DNAH12: variants seen among roughly 807,000 people sequenced by gnomAD.
DNAH12 encodes the protein axonemal beta dynein heavy chain 12.
In DNAH12, 285 loss-of-function variants were observed where a neutral mutation model predicts 371.5. The ratio of observed to expected loss-of-function variants is 0.77; its 90% CI spans 0.70 to 0.85. The LOEUF is 0.85. Ranked by LOEUF, DNAH12 falls within the 40% of genes least tolerant of loss-of-function variation. The pLI, the probability that DNAH12 is intolerant of heterozygous loss-of-function variation, is 0.00. For synonymous variants in DNAH12, 1,200 were observed against 1,213.0 expected (o/e 0.99, Z 0.22); for missense variants, 3,611 against 3,689.4 (o/e 0.98, Z 0.55).
rs1553660709 is a variant in DNAH12 at position 57,352,236 on chromosome 3, AAAG to A, written c.9534-14_9534-12del. 1.8e-5 allele frequency: 27 copies of A among 1,529,130 alleles called. No individual in the cohort carries two copies. The South Asian group carries it at 3.5e-4, about 20-fold the overall frequency. The allele number at this position is 1,529,130 out of a possible 1,614,324, so 94.7% of individuals were successfully genotyped here. A position where few individuals can be genotyped will look rare whatever the true frequency, so the allele number is the denominator to read the frequency against. ...ATCTTGGATTTGTTACTAAAGTTAA[AAAG>A]AAGGAAAACGTATTGTCAAACAAAA... is the stretch of plus-strand genomic sequence containing the variant. On this transcript the variant is annotated splice_polypyrimidine_tract_variant and intron_variant, in intron 59 of 73. Coordinates refer to ENST00000495027, the MANE Select transcript of DNAH12 (RefSeq NM_001366028.2).
intron 30 of DNAH12, 149 bp downstream of exon 30, chr3:57,436,802 G>C: frequency 1.9e-6 from 1 of 540,252 alleles, no homozygotes; most frequent in South Asian, 3.1e-5. Flanking sequence ...ATAAACCTTT[G>C]CCTTTTAAGC....
chr3:57,418,365 CAAAAAAAAAAAA>C (rs57508616), intron 37 of DNAH12, among the ~76,000 whole-genome samples: 2 of 42,856 alleles, frequency 4.7e-5, no homozygotes, highest in Admixed American at 8.5e-4. Flanking sequence ...CCTGTCTCTA[CAAAAAAAAAAAA>C]AAAAAAAAAA....
At position 57,403,469 on chromosome 3, in the gene DNAH12, C is replaced by T. The variant is rs1264313992; in HGVS notation, c.6788G>A (p.Arg2263Gln). 6.5e-6 allele frequency: 10 copies of T among 1,549,224 alleles called. No homozygotes were observed. Among genetic ancestry groups the T allele is most frequent in the South Asian group, 1.2e-5 (1 of 83,398 alleles). The change falls in exon 43 of 74, where the codon CGA (arginine) becomes CAA (glutamine). Residue 2263 changes from arginine to glutamine, a missense_variant. Arg to Gln is a conservative substitution (Grantham distance 43). Coordinates refer to ENST00000495027, the MANE Select transcript of DNAH12 (RefSeq NM_001366028.2). ...ATTTCCACCAGATTGCTTTAGAACT[C>T]GACATATTCTTGATAAATGTTCCAA... ...YVLEHLSRIC[R>Q]VLKQSGGNAL...
chr3:57,542,949 C>T (rs934347464), intron 1 of DNAH12, 46 bp from the exon 2 acceptor site: 39 of 1,392,134 alleles, frequency 2.8e-5, no homozygotes, highest in Non-Finnish European at 3.2e-5. Context: ...CAGCAAGCCT[C>T]GACACATTCA....
intron 4 of DNAH12, among the ~76,000 whole-genome samples, chr3:57,517,052 C>G (rs2068226270): frequency 6.6e-6 from 1 of 152,102 alleles, no homozygotes; most frequent in Admixed American, 6.6e-5. Flanking sequence ...TAGCTGTTCC[C>G]TCTGTTGGGA....
chr3:57,300,062 A>G (rs934847473), intron 70 of DNAH12, among the ~76,000 whole-genome samples: 1 of 152,194 alleles, frequency 6.6e-6, no homozygotes, highest in African/African-American at 2.4e-5. Context: ...CTTGTTCTGC[A>G]TAGCCCCTCT....
At chr3:57,449,527 G>A (rs1007623355) in intron 25 of DNAH12, among the ~76,000 whole-genome samples, 7 of 152,208 alleles carry the variant, frequency 4.6e-5, no homozygotes, top group East Asian at 1.9e-4. Context: ...GAAATCGAGC[G>A]CAGCGCTGGT....
rs372275061 is a variant in DNAH12, at chr3:57,435,591, T to G, written c.4655+1360A>C. Reference sequence around the variant, plus strand: ...AATCAAATAGATAAAAAGCTGATTGTTTTTGAGGGAGTTTACTGACCAAAA... The same window carrying G: ...AATCAAATAGATAAAAAGCTGATTGGTTTTGAGGGAGTTTACTGACCAAAA... On this transcript the variant is annotated intron_variant, in intron 30 of 73. Transcript: ENST00000495027. 4.6e-5 allele frequency among the ~76,000 whole-genome samples: 7 copies of G among 152,148 alleles called. No individual in the cohort carries two copies. In the East Asian group the frequency reaches 1.4e-3, roughly 29 times the overall value.
At chr3:57,348,248 C>T (rs1178616579) in intron 60 of DNAH12, among the ~76,000 whole-genome samples, 1 of 152,056 alleles carries the variant, frequency 6.6e-6, no homozygotes, top group Non-Finnish European at 1.5e-5. Flanking sequence ...GAAAAAATCC[C>T]ATCTGAAAAG....
intron 62 of DNAH12, among the ~76,000 whole-genome samples, chr3:57,329,033 T>C (rs992590913): frequency 6.8e-6 from 1 of 147,710 alleles, no homozygotes. Context: ...CAAGGAGAAC[T>C]ACAAACCACT....
rs974711901 is a variant in DNAH12, at chr3:57,415,540, C to T, written c.5739G>A (p.Thr1913=). The change falls in exon 38 of 74, where the codon ACG becomes ACA. Residue 1913 remains threonine (T), a synonymous_variant. Coordinates refer to ENST00000495027, the MANE Select transcript of DNAH12 (RefSeq NM_001366028.2). ...TCACATACACAGATTTTCCTGTACC[C>T]GTTGGACCCACAAAAAGGAGTGGCC... The part of the protein sequence containing the change: ...YAKPLLFVGP[T]GTGKSVYVKD... 3 of 1,543,936 alleles carry T rather than the reference C, an allele frequency of 1.9e-6. No individual in the cohort carries two copies. Among genetic ancestry groups the T allele is most frequent in the Non-Finnish European group, 2.6e-6 (3 of 1,145,394 alleles).
intron 43 of DNAH12, among the ~76,000 whole-genome samples, chr3:57,399,279 G>A (rs2063807813): frequency 3.3e-5 from 5 of 151,842 alleles, no homozygotes; most frequent in African/African-American, 7.3e-5. Flanking sequence ...GAAGCTACAA[G>A]ACACACAGAA....
At chr3:57,454,583 G>A (rs997719207) in intron 23 of DNAH12, among the ~76,000 whole-genome samples, 192 bp downstream of exon 23, 2 of 152,088 alleles carry the variant, frequency 1.3e-5, no homozygotes, top group Non-Finnish European at 2.9e-5. Flanking sequence ...AGAAACATAG[G>A]ATGGGGCCAG....
chr3:57,491,282 A>C (rs1321046667), intron 11 of DNAH12, among the ~76,000 whole-genome samples: 1 of 152,148 alleles, frequency 6.6e-6, no homozygotes, highest in Non-Finnish European at 1.5e-5. Flanking sequence ...TGGTAAAACC[A>C]TAAAGGAAAG....
At chr3:57,529,779 G>A (rs1030263295) in intron 2 of DNAH12, among the ~76,000 whole-genome samples, 1 of 151,738 alleles carries the variant, frequency 6.6e-6, no homozygotes, top group African/African-American at 2.4e-5. Context: ...AGCTAATTTT[G>A]GTTTGGTTTG....
Position 57,419,384 on chromosome 3 carries a change from C to A in DNAH12, c.5697G>T (p.Leu1899Phe). The change falls in exon 37 of 74, where the codon TTG (leucine) becomes TTT (phenylalanine). Residue 1899 changes from leucine to phenylalanine, a missense_variant. Around this residue, in one of 3 missense-constraint regions of DNAH12, gnomAD observed 2,266 missense variants for 2,236.9 expected, o/e 1.01. Transcript: ENST00000495027. The stretch of plus-strand genomic sequence containing the variant: ...TTCCTTACTTTGCATAGGTAATACT[C>A]AAATCCATTAGAAACGTATATCTAA... ...DTIRYTFLMD[L>F]SITYAKPLLF... 6.7e-7 allele frequency: 1 copy of A among 1,500,422 alleles called. No homozygotes were observed. The highest frequency in any genetic ancestry group is 1.4e-5 in the South Asian group (1 of 72,578). 92.9% of individuals were successfully genotyped at this position (1,500,422 alleles called of 1,614,324 possible).
intron 45 of DNAH12, among the ~76,000 whole-genome samples, chr3:57,389,540 C>T (rs1289730330): frequency 6.6e-6 from 1 of 151,852 alleles, no homozygotes; most frequent in Non-Finnish European, 1.5e-5. Context: ...TTGGGCTTGT[C>T]CCATTATGGT....
chr3:57,303,803 G>C (rs758462788), intron 69 of DNAH12, among the ~76,000 whole-genome samples: 1 of 152,156 alleles, frequency 6.6e-6, no homozygotes, highest in Non-Finnish European at 1.5e-5. Flanking sequence ...GATGGTTGCT[G>C]TCAGGACTCT....
At chr3:57,461,770 G>C (rs1388654862) in intron 18 of DNAH12, 81 bp from the exon 19 acceptor site, 30 of 1,135,818 alleles carry the variant, frequency 2.6e-5, no homozygotes, top group Non-Finnish European at 3.5e-5. Flanking sequence ...AGTGAATTCA[G>C]TAAGAATTTG....
Sources: gnomAD v4.1 joint callset for allele counts (sites outside exome capture counted in the v4.1 genomes callset) on GRCh38, gnomAD v4.1.1 for gene constraint, gnomAD v4.1.1 regional missense constraint, MANE v1.5 for transcripts, NCBI Gene and HGNC (gene_info 2026-07-23, HGNC 2026-07-21) for gene names.